Variants in PDE1C observed in about 807,000 individuals in gnomAD.
PDE1C encodes the protein phosphodiesterase 1C, also known as dual specificity calcium/calmodulin-dependent 3',5'-cyclic nucleotide phosphodiesterase 1C.
In PDE1C, 62 loss-of-function variants were observed where a neutral mutation model predicts 93.1. That is an observed-to-expected ratio of 0.67 (90% confidence interval 0.54 to 0.82). PDE1C has a LOEUF of 0.82. PDE1C is among the 40% of genes least tolerant of loss of function. PDE1C has a pLI of 0.00. For missense variants in PDE1C, 742 were observed against 884.6 expected (o/e 0.84, Z 2.04); for synonymous variants, 325 against 310.1 (o/e 1.05, Z -0.50).
intron 11 of PDE1C, among the ~76,000 whole-genome samples, chr7:31,835,456 A>C (rs369810986): frequency 1.4e-4 from 22 of 152,196 alleles, no homozygotes; most frequent in African/African-American, 5.1e-4. Context: ...ATGACTCTGC[A>C]AAGAGAATTA....
At chr7:32,079,735 C>T (rs1209848869) in intron 3 of PDE1C, among the ~76,000 whole-genome samples, 1 of 152,346 alleles carries the variant, frequency 6.6e-6, no homozygotes, top group South Asian at 2.1e-4. Context: ...ATTGCAAGTG[C>T]AAGTGTGCCA....
rs569045099 is a variant in PDE1C, at chr7:31,896,394, C to T, written c.129-15534G>A. Among the ~76,000 whole-genome samples, 180 of 152,280 alleles carry T rather than the reference C, an allele frequency of 1.2e-3. 1 individual carries two copies. Among genetic ancestry groups the T allele is most frequent in the African/African-American group, 4.2e-3 (176 of 41,540 alleles). On this transcript the variant is annotated intron_variant, in intron 2 of 17. Transcript: ENST00000396191. Reference sequence around the variant, plus strand: ...AGAAATAAAGATTCCTACTCTCGGACTTCTGTCTGTTCACTCCTACTAGCT... The same window carrying T: ...AGAAATAAAGATTCCTACTCTCGGATTTCTGTCTGTTCACTCCTACTAGCT...
intron 2 of PDE1C, among the ~76,000 whole-genome samples, chr7:32,179,363 G>T (rs1562552733): frequency 6.6e-6 from 1 of 150,490 alleles, no homozygotes; most frequent in Non-Finnish European, 1.5e-5. Context: ...AGGTTCAAGC[G>T]ATTTCTCCTG....
chr7:31,822,659 C>T (rs1789117937), intron 14 of PDE1C, among the ~76,000 whole-genome samples: 1 of 152,130 alleles, frequency 6.6e-6, no homozygotes, highest in Admixed American at 6.6e-5. Context: ...AAAATTAAAG[C>T]TCCTTATATC....
chr7:32,051,584 T>A lies in PDE1C; in HGVS notation c.102-4A>T. On this transcript the variant is annotated splice_region_variant and splice_polypyrimidine_tract_variant and intron_variant, in intron 1 of 17. Transcript: ENST00000396191. ...GGACGTTTTCTTATATTTCCTCCTG[T>A]AAGAAAAGGCATAAACATATATCAG... is the stretch of plus-strand genomic sequence containing the variant. 6 of 1,613,218 alleles carry A rather than the reference T, an allele frequency of 3.7e-6. No homozygotes were observed. Among genetic ancestry groups the A allele is most frequent in the Non-Finnish European group, 5.1e-6 (6 of 1,179,328 alleles).
At chr7:31,948,011 A>C (rs1351999944) in intron 2 of PDE1C, among the ~76,000 whole-genome samples, 1 of 152,190 alleles carries the variant, frequency 6.6e-6, no homozygotes, top group Non-Finnish European at 1.5e-5. Flanking sequence ...AAATTTCGAA[A>C]GACTAAACCC....
chr7:31,950,268 A>G, intron 2 of PDE1C, among the ~76,000 whole-genome samples: 1 of 152,168 alleles, frequency 6.6e-6, no homozygotes, highest in South Asian at 2.1e-4. Flanking sequence ...TCTACTCCCA[A>G]TGGGCTTATG....
At chr7:31,855,257 T>C (rs1456748852) in intron 7 of PDE1C, among the ~76,000 whole-genome samples, 5 of 151,980 alleles carry the variant, frequency 3.3e-5, no homozygotes, top group Non-Finnish European at 7.4e-5. Flanking sequence ...ATTGGCAGAA[T>C]TCATTTCCTT....
chr7:32,116,549 T>C (rs947331595), intron 3 of PDE1C, among the ~76,000 whole-genome samples: 4 of 152,174 alleles, frequency 2.6e-5, no homozygotes, highest in African/African-American at 9.7e-5. Context: ...TGCATACATA[T>C]GTAAAACAGC....
chr7:31,949,478 T>A (rs139622116), intron 2 of PDE1C, among the ~76,000 whole-genome samples: 1 of 151,900 alleles, frequency 6.6e-6, no homozygotes, highest in Non-Finnish European at 1.5e-5. Context: ...AATAAATAAA[T>A]AAAAAAATAA....
intron 2 of PDE1C, among the ~76,000 whole-genome samples, chr7:32,186,420 C>A (rs1803887380): frequency 6.6e-6 from 1 of 151,784 alleles, no homozygotes; most frequent in South Asian, 2.1e-4. Context: ...TTTTTTAAAT[C>A]AGAGAATTTC....
chr7:31,804,770 G>T (rs1786583602), intron 16 of PDE1C, among the ~76,000 whole-genome samples: 1 of 151,708 alleles, frequency 6.6e-6, no homozygotes, highest in African/African-American at 2.4e-5. Context: ...GTACTTAATT[G>T]CAAGCACTGT....
chr7:32,003,565 A>C (rs1400338286), intron 2 of PDE1C, among the ~76,000 whole-genome samples: 1 of 152,206 alleles, frequency 6.6e-6, no homozygotes, highest in East Asian at 1.9e-4. Flanking sequence ...CTTTTGGATA[A>C]AGTACAAACT....
intron 1 of PDE1C, among the ~76,000 whole-genome samples, chr7:32,374,237 AGAAG>A (rs1488796343): frequency 1.1e-3 from 161 of 148,312 alleles, no homozygotes; most frequent in African/African-American, 3.9e-3. Flanking sequence ...AGAAAAAGAA[AGAAG>A]GAAGGAAAGG....
Position 31,989,110 on chromosome 7 carries a change from AAG to A in PDE1C, c.128+62442_128+62443del, listed in dbSNP as rs200865155. Among the ~76,000 whole-genome samples, 462 of 151,876 alleles carry A rather than the reference AAG, an allele frequency of 3.0e-3. 4 individuals are homozygous for A. The highest frequency in any genetic ancestry group is 0.011 in the African/African-American group (436 of 41,430). The stretch of plus-strand genomic sequence containing the variant: ...AGAAACAAAGAAAGAAAGAAAGAGA[AAG>A]AGAAAGAAAGAGGAAAAGAAAAGAA... On this transcript the variant is annotated intron_variant, in intron 2 of 17. Coordinates refer to ENST00000396191, the MANE Select transcript of PDE1C (RefSeq NM_001191057.4).
intron 2 of PDE1C, among the ~76,000 whole-genome samples, chr7:31,927,108 C>A (rs1033046618): frequency 6.6e-6 from 1 of 152,122 alleles, no homozygotes; most frequent in Non-Finnish European, 1.5e-5. Flanking sequence ...TGACCTGGGA[C>A]GATTGAGCTT....
intron 1 of PDE1C, among the ~76,000 whole-genome samples, chr7:32,338,658 C>A (rs937194092): frequency 2.0e-5 from 3 of 152,116 alleles, no homozygotes; most frequent in Non-Finnish European, 4.4e-5. Context: ...TTGAACACAG[C>A]GTCTCAAAGA....
At chr7:31,810,050 T>C (rs1189925876) in intron 15 of PDE1C, among the ~76,000 whole-genome samples, 1 of 152,116 alleles carries the variant, frequency 6.6e-6, no homozygotes, top group Non-Finnish European at 1.5e-5. Context: ...AGCTGAATAG[T>C]TGCAAAGAGA....
At chr7:31,701,032 CCCCTGGATTGAGGAGTTACTTCGA>C in the PDE1C span, among the ~76,000 whole-genome samples, 413 of 152,240 alleles carry the variant, frequency 2.7e-3, 2 homozygotes, top group African/African-American at 9.4e-3. Flanking sequence ...TATTCTGGAG[CCCCTGGATTGAGGAGTTACTTCGA>C]CTTGCAAGTC....
Sources: allele counts gnomAD v4.1 joint callset (sites outside exome capture counted in the v4.1 genomes callset), GRCh38; gene constraint gnomAD v4.1.1; transcripts MANE v1.5; gene names NCBI Gene and HGNC (gene_info 2026-07-23, HGNC 2026-07-21).